The following FBXW7 variants were observed in gnomAD, a reference collection of about 807,000 sequenced individuals.
The protein encoded by FBXW7 is F-box/WD repeat-containing protein 7.
FBXW7 carries 11 observed loss-of-function variants against 86.3 expected under a neutral mutation model. That is an observed-to-expected ratio of 0.13 (90% CI 0.08 to 0.21). FBXW7 has a LOEUF of 0.21. FBXW7 is among the 10% of genes least tolerant of loss of function. The pLI, the probability that FBXW7 is intolerant of heterozygous loss-of-function variation, is 1.00. For missense variants in FBXW7, 488 were observed against 847.4 expected (o/e 0.58, Z 5.27); for synonymous variants, 313 against 297.9 (o/e 1.05, Z -0.52).
chr4:152,412,142 G>A (rs1738024174), intron 3 of FBXW7, among the ~76,000 whole-genome samples: 1 of 151,892 alleles, frequency 6.6e-6, no homozygotes, highest in Non-Finnish European at 1.5e-5. Context: ...TAATTCCTTT[G>A]ACCAATAAAA....
chr4:152,459,987 A>C (rs1202183946), intron 2 of FBXW7, among the ~76,000 whole-genome samples: 3 of 152,164 alleles, frequency 2.0e-5, no homozygotes, highest in Non-Finnish European at 4.4e-5. Context: ...AGACTCGGGG[A>C]AGGGAAATGG....
intron 2 of FBXW7, among the ~76,000 whole-genome samples, chr4:152,420,872 T>C (rs1039876069): frequency 1.3e-5 from 2 of 152,156 alleles, no homozygotes; most frequent in Admixed American, 1.3e-4. Flanking sequence ...ATTTTCGGAA[T>C]GACCAATGAG....
intron 2 of FBXW7, among the ~76,000 whole-genome samples, chr4:152,423,024 C>G (rs898449932): frequency 6.6e-6 from 1 of 152,152 alleles, no homozygotes; most frequent in Non-Finnish European, 1.5e-5. Context: ...GCATATTCAT[C>G]TGGTCTCTTT....
At chr4:152,479,055 T>C (rs1744654326) in intron 2 of FBXW7, among the ~76,000 whole-genome samples, 1 of 152,076 alleles carries the variant, frequency 6.6e-6, no homozygotes, top group African/African-American at 2.4e-5. Context: ...AACAAGGATG[T>C]AGTAGATGTG....
At chr4:152,457,895 T>C (rs1023074264) in intron 2 of FBXW7, among the ~76,000 whole-genome samples, 1 of 151,954 alleles carries the variant, frequency 6.6e-6, no homozygotes, top group Non-Finnish European at 1.5e-5. Context: ...GTACTCAGTT[T>C]CCAATTCATT....
At chr4:152,379,107 A>G (rs973938268) in intron 4 of FBXW7, among the ~76,000 whole-genome samples, 2 of 152,198 alleles carry the variant, frequency 1.3e-5, no homozygotes, top group South Asian at 4.1e-4. Context: ...TAGGTAAGCT[A>G]TCTAGTGCCA....
chr4:152,481,082 T>C (rs1744837271), intron 2 of FBXW7, among the ~76,000 whole-genome samples: 1 of 152,204 alleles, frequency 6.6e-6, no homozygotes, highest in African/African-American at 2.4e-5. Context: ...AGTCAATACC[T>C]GGCTTCCAAA....
chr4:152,393,408 T>C (rs1736157828), intron 4 of FBXW7, among the ~76,000 whole-genome samples: 1 of 152,184 alleles, frequency 6.6e-6, no homozygotes, highest in African/African-American at 2.4e-5. Flanking sequence ...TAGAGAATAA[T>C]GATTCTGTCT....
chr4:152,380,018 C>T (rs751446880), intron 4 of FBXW7, among the ~76,000 whole-genome samples: 3 of 152,016 alleles, frequency 2.0e-5, no homozygotes, highest in African/African-American at 4.8e-5. Context: ...AAATACCATG[C>T]TTTCAAATTT....
chr4:152,337,228 T>A (rs1276713650), intron 7 of FBXW7, among the ~76,000 whole-genome samples: 1 of 151,894 alleles, frequency 6.6e-6, no homozygotes, highest in South Asian at 2.1e-4. Context: ...GTAATTAGTA[T>A]GGGAAATCTG....
chr4:152,526,816 T>C (rs981821600), intron 2 of FBXW7, among the ~76,000 whole-genome samples: 1 of 152,192 alleles, frequency 6.6e-6, no homozygotes, highest in African/African-American at 2.4e-5. Flanking sequence ...GAAACTAAAT[T>C]CAAATTCCAG....
intron 2 of FBXW7, among the ~76,000 whole-genome samples, chr4:152,430,080 C>A (rs1739752004): frequency 6.6e-6 from 1 of 152,160 alleles, no homozygotes; most frequent in African/African-American, 2.4e-5. Flanking sequence ...GAAACCTTTT[C>A]AGAAACTTGA....
At chr4:152,476,758 A>G (rs866634816) in intron 2 of FBXW7, among the ~76,000 whole-genome samples, 22 of 152,178 alleles carry the variant, frequency 1.4e-4, no homozygotes, top group African/African-American at 5.3e-4. Flanking sequence ...TATTATTGGG[A>G]GACAATTTTC....
intron 2 of FBXW7, among the ~76,000 whole-genome samples, chr4:152,502,032 A>G (rs1747001889): frequency 6.6e-6 from 1 of 152,168 alleles, no homozygotes; most frequent in African/African-American, 2.4e-5. Flanking sequence ...TACTGTTCCT[A>G]TGACATCAGC....
At chr4:152,440,742 T>C (rs1740816295) in intron 2 of FBXW7, among the ~76,000 whole-genome samples, 1 of 152,098 alleles carries the variant, frequency 6.6e-6, no homozygotes, top group Admixed American at 6.5e-5. Context: ...AGTACACCCA[T>C]CTAGTAAAGA....
rs970222401 is a variant in FBXW7, at chr4:152,470,460, A to C, written c.-119-57931T>G. On this transcript the variant is annotated intron_variant, in intron 2 of 13. Transcript: ENST00000281708. ...TCTACTGAGTTAAAACAGAGCCAAT[A>C]AAGTGGGAAAATATTTCACACAGTA... Among the ~76,000 whole-genome samples, 11 of 152,124 alleles carry C rather than the reference A, an allele frequency of 7.2e-5. 1 individual carries two copies. Among genetic ancestry groups the C allele is most frequent in the Admixed American group, 2.6e-4 (4 of 15,272 alleles).
chr4:152,479,466 T>C (rs1035765605), intron 2 of FBXW7, among the ~76,000 whole-genome samples: 1 of 152,140 alleles, frequency 6.6e-6, no homozygotes, highest in Non-Finnish European at 1.5e-5. Context: ...TGTCCTAGAA[T>C]AGTCTCTCGC....
At chr4:152,507,420 A>G (rs1747527809) in intron 2 of FBXW7, among the ~76,000 whole-genome samples, 1 of 152,230 alleles carries the variant, frequency 6.6e-6, no homozygotes, top group Non-Finnish European at 1.5e-5. Context: ...TGTTCCCATG[A>G]AATAACATAT....
At chr4:152,383,993 G>T (rs1413296087) in intron 4 of FBXW7, among the ~76,000 whole-genome samples, 1 of 152,106 alleles carries the variant, frequency 6.6e-6, no homozygotes, top group Admixed American at 6.6e-5. Flanking sequence ...CATCCATTAG[G>T]ATGGTTTTAA....
Sources: gnomAD v4.1 joint callset for allele counts (sites outside exome capture counted in the v4.1 genomes callset) on GRCh38, gnomAD v4.1.1 for gene constraint, MANE v1.5 for transcripts, NCBI Gene and HGNC (gene_info 2026-07-23, HGNC 2026-07-21) for gene names.